The following TFF3 variants were observed in gnomAD, a reference collection of about 807,000 sequenced individuals.
The protein encoded by TFF3 is trefoil factor 3.
Under a neutral mutation model 9.7 loss-of-function variants are expected in TFF3, and 6 were observed. The ratio of observed to expected loss-of-function variants is 0.62; its 90% CI spans 0.34 to 1.22. The LOEUF (loss-of-function observed/expected upper bound fraction) is 1.22. Among genes scored for constraint, TFF3 ranks in the 50% most tolerant of loss-of-function variants. The pLI, the probability that TFF3 is intolerant of heterozygous loss-of-function variation, is 0.04. For missense variants in TFF3, 93 were observed against 98.6 expected (o/e 0.94, Z 0.24); for synonymous variants, 48 against 41.4 (o/e 1.16, Z -0.61).
chr21:42,312,362 A>G (rs1457318217), intron 2 of TFF3, 93 bp from the exon 3 acceptor site: 4 of 1,445,798 alleles, frequency 2.8e-6, no homozygotes, highest in Non-Finnish European at 3.7e-6. Flanking sequence ...GCCAGCACCT[A>G]GTGCTGCCTC....
rs575393167 is a variant in TFF3, at chr21:42,313,233, C to T, written c.229+252G>A. Among the ~76,000 whole-genome samples, 11 of 152,318 alleles carry T rather than the reference C, an allele frequency of 7.2e-5. No individual in the cohort carries two copies. Among genetic ancestry groups the T allele is most frequent in the African/African-American group, 1.7e-4 (7 of 41,572 alleles). Reference sequence around the variant, plus strand: ...AGTTACTAAATCAGTTCCCTCTATGCGATGCCATCATTTTGAACACCTTTT... The same window carrying T: ...AGTTACTAAATCAGTTCCCTCTATGTGATGCCATCATTTTGAACACCTTTT... On this transcript the variant is annotated intron_variant, in intron 2 of 2. Transcript: ENST00000518498. The surrounding 1 kb of genome is among the most constrained non-coding windows in gnomAD (Gnocchi z 4.0).
chr21:42,313,770 A>G lies in TFF3; in HGVS notation c.83-139T>C, dbSNP rs1380997600. Reference sequence around the variant, plus strand: ...AACCACTGCTGAAACCCTCGCCCTTAGGAAGATGCACTTTCCCTGTGAATA... The same window carrying G: ...AACCACTGCTGAAACCCTCGCCCTTGGGAAGATGCACTTTCCCTGTGAATA... On this transcript the variant is annotated intron_variant, in intron 1 of 2. Coordinates refer to ENST00000518498, the MANE Select transcript of TFF3 (RefSeq NM_003226.4). The surrounding 1 kb of genome is among the most constrained non-coding windows in gnomAD (Gnocchi z 4.0). The G allele has an allele frequency of 6.4e-6, 6 of 933,450 alleles. No homozygotes were observed. Among genetic ancestry groups the G allele is most frequent in the Admixed American group, 6.6e-5 (2 of 30,232 alleles). The allele number at this position is 933,450 out of a possible 1,614,324, so 57.8% of individuals were successfully genotyped here.
chr21:42,312,182 GC>G lies in TFF3; in HGVS notation c.*73del. The stretch of plus-strand genomic sequence containing the variant: ...GGACAGAAAAGCTGAGATGAACAGT[GC>G]CTGGCAGCAATCACAGCCGGGCAAG... On this transcript the variant is annotated 3_prime_UTR_variant, in exon 3 of 3. Transcript: ENST00000518498. 1 of 1,598,826 alleles carries G rather than the reference GC, an allele frequency of 6.3e-7. No homozygotes were observed. The highest frequency in any genetic ancestry group is 8.6e-7 in the Non-Finnish European group (1 of 1,166,240).
At chr21:42,315,175 A>G (rs1238613966) in intron 1 of TFF3, 118 bp downstream of exon 1, 2 of 1,349,118 alleles carry the variant, frequency 1.5e-6, no homozygotes, top group East Asian at 5.1e-5. Context: ...GGGCTAGCGC[A>G]GGAAAAAGTG....
In TFF3 at chr21:42,311,963, C is replaced by A; in HGVS notation, c.*293G>T. On this transcript the variant is annotated 3_prime_UTR_variant, in exon 3 of 3. Coordinates refer to ENST00000518498, the MANE Select transcript of TFF3 (RefSeq NM_003226.4). Reference sequence around the variant, plus strand: ...ACTGCAGCTCCTTAGGGAGTCTTTTCCTGCCCTTGAGGCCTGGGCAGACTC... The same window carrying A: ...ACTGCAGCTCCTTAGGGAGTCTTTTACTGCCCTTGAGGCCTGGGCAGACTC... The A allele has an allele frequency of 3.2e-6, 2 of 620,320 alleles. No homozygotes were observed. Among genetic ancestry groups the A allele is most frequent in the Admixed American group, 2.5e-5 (1 of 40,310 alleles). The allele number at this position is 620,320 out of a possible 1,614,324, so 38.4% of individuals were successfully genotyped here.
Position 42,311,936 on chromosome 21 carries a change from G to T in TFF3, c.*320C>A. The T allele has an allele frequency of 1.8e-6, 1 of 565,894 alleles. No individual in the cohort carries two copies. The highest frequency in any genetic ancestry group is 3.2e-6 in the Non-Finnish European group (1 of 314,294). 35.1% of individuals were successfully genotyped at this position (565,894 alleles called of 1,614,324 possible). ...GTCTGGATTCAAAATATCCTTGCATGCACTGCAGCTCCTTAGGGAGTCTTT... is the reference window on the plus strand; with the variant it reads ...GTCTGGATTCAAAATATCCTTGCATTCACTGCAGCTCCTTAGGGAGTCTTT... On this transcript the variant is annotated 3_prime_UTR_variant, in exon 3 of 3. Transcript: ENST00000518498.
Position 42,313,731 on chromosome 21 carries a change from A to T in TFF3, c.83-100T>A. On this transcript the variant is annotated intron_variant, in intron 1 of 2. Transcript: ENST00000518498. This position sits in a 1 kb window ranked among gnomAD's most constrained non-coding sequence, Gnocchi z 4.0. ...AGTTTGCATCCTCCCGCTCCGCCCC[A>T]CCCCGCCGAGTTCAACCACTGCTGA... The T allele has an allele frequency of 7.2e-7, 1 of 1,392,942 alleles. No homozygotes were observed. Among genetic ancestry groups the T allele is most frequent in the Non-Finnish European group, 9.5e-7 (1 of 1,052,708 alleles). 86.3% of individuals were successfully genotyped at this position (1,392,942 alleles called of 1,614,324 possible).
At chr21:42,312,917 T>G (rs1161336471) in intron 2 of TFF3, among the ~76,000 whole-genome samples, 1 of 152,130 alleles carries the variant, frequency 6.6e-6, no homozygotes, top group Admixed American at 6.5e-5. Context: ...CAGGGCCATC[T>G]GTTACCCGCA....
intron 1 of TFF3, 139 bp downstream of exon 1, chr21:42,315,154 C>A (rs2069351320): frequency 5.0e-6 from 6 of 1,199,076 alleles, no homozygotes; most frequent in Non-Finnish European, 5.6e-6. Context: ...ACAATAAAGA[C>A]CCACTTCAAA....
Position 42,313,623 on chromosome 21 carries a change from G to A in TFF3, c.91C>T (p.Gln31Ter). Residue 31 changes from glutamine (Q) to a stop codon, truncating the protein, a stop_gained, in exon 2 of 3, where the codon CAG becomes TAG. Transcript: ENST00000518498. LOFTEE classifies it high-confidence loss of function. The surrounding 1 kb of genome is among the most constrained non-coding windows in gnomAD (Gnocchi z 4.0). ...CTGTCCTTGGCTGGCACGGCACACT[G>A]GTTTGCAGCTGTCCCAGACAAAGCC... Reference protein sequence around the residue: ...AEEYVGLSANQCAVPAKDRVD... With the variant: ...AEEYVGLSAN 2 of 1,609,550 alleles carry A rather than the reference G, an allele frequency of 1.2e-6. No individual in the cohort carries two copies. Among genetic ancestry groups the A allele is most frequent in the South Asian group, 2.2e-5 (2 of 90,442 alleles).
At position 42,312,083 on chromosome 21, in the gene TFF3, C is replaced by G; in HGVS notation, c.*173G>C. ...CACGAAGAACTGTCCTCGGGTGGAG[C>G]ATGGGACCTTTATTCGTTAAGACAT... On this transcript the variant is annotated 3_prime_UTR_variant, in exon 3 of 3. Coordinates refer to ENST00000518498, the MANE Select transcript of TFF3 (RefSeq NM_003226.4). 1.2e-6 allele frequency: 1 copy of G among 857,088 alleles called. No individual in the cohort carries two copies. The allele number at this position is 857,088 out of a possible 1,614,324, so 53.1% of individuals were successfully genotyped here.
chr21:42,315,272 G>T (rs752003600), intron 1 of TFF3, 21 bp downstream of exon 1: 290 of 1,601,288 alleles, frequency 1.8e-4, no homozygotes, highest in Non-Finnish European at 2.4e-4. Flanking sequence ...CTGCCACCGG[G>T]GCAGTCAGGG....
At chr21:42,312,508 C>T (rs1359250940) in intron 2 of TFF3, among the ~76,000 whole-genome samples, 1 of 152,202 alleles carries the variant, frequency 6.6e-6, no homozygotes, top group African/African-American at 2.4e-5. Context: ...TTGGCAGGGC[C>T]ATGGCTGGCA....
chr21:42,312,169 T>G lies in TFF3; in HGVS notation c.*87A>C. On this transcript the variant is annotated 3_prime_UTR_variant, in exon 3 of 3. Coordinates refer to ENST00000518498, the MANE Select transcript of TFF3 (RefSeq NM_003226.4). The stretch of plus-strand genomic sequence containing the variant: ...GCCGGGAGCAAAGGGACAGAAAAGC[T>G]GAGATGAACAGTGCCTGGCAGCAAT... 6.3e-7 allele frequency: 1 copy of G among 1,577,606 alleles called. No homozygotes were observed. The highest frequency in any genetic ancestry group is 1.1e-5 in the South Asian group (1 of 90,388).
rs912636894 is a variant in TFF3 at position 42,312,273 on chromosome 21, C to T, written c.230-4G>A. 4 of 1,605,112 alleles carry T rather than the reference C, an allele frequency of 2.5e-6. No individual in the cohort carries two copies. Among genetic ancestry groups the T allele is most frequent in the Non-Finnish European group, 3.4e-6 (4 of 1,175,682 alleles). The stretch of plus-strand genomic sequence containing the variant: ...GAGGTGCCTCAGAAGGTGCATTCTG[C>T]AAACAGAGCAAAGGCTTGTGTGAGC... On this transcript the variant is annotated splice_polypyrimidine_tract_variant and splice_region_variant and intron_variant, in intron 2 of 2. Transcript: ENST00000518498.
In TFF3 at chr21:42,312,357, C is replaced by T. The variant is rs375487605; in HGVS notation, c.230-88G>A. ...AGGTCAGGGCAGGCTCCAAGGCCAGCACCTAGTGCTGCCTCCTCCCCAGAG... is the reference window on the plus strand; with the variant it reads ...AGGTCAGGGCAGGCTCCAAGGCCAGTACCTAGTGCTGCCTCCTCCCCAGAG... On this transcript the variant is annotated intron_variant, in intron 2 of 2. Coordinates refer to ENST00000518498, the MANE Select transcript of TFF3 (RefSeq NM_003226.4). 17 of 1,474,008 alleles carry T rather than the reference C, an allele frequency of 1.2e-5. No individual in the cohort carries two copies. In the African/African-American group the frequency reaches 2.1e-4, roughly 18 times the overall value. 91.3% of individuals were successfully genotyped at this position (1,474,008 alleles called of 1,614,324 possible).
intron 2 of TFF3, among the ~76,000 whole-genome samples, chr21:42,312,748 G>T (rs1415323422): frequency 6.6e-6 from 1 of 152,208 alleles, no homozygotes; most frequent in Non-Finnish European, 1.5e-5. Context: ...GGCAAGAGAG[G>T]CCCCTCTGGA....
chr21:42,313,812 C>T lies in TFF3; in HGVS notation c.83-181G>A, dbSNP rs2069344457. 1.5e-6 allele frequency: 1 copy of T among 660,844 alleles called. No individual in the cohort carries two copies. Among genetic ancestry groups the T allele is most frequent in the African/African-American group, 1.9e-5 (1 of 53,002 alleles). 40.9% of individuals were successfully genotyped at this position (660,844 alleles called of 1,614,324 possible). On this transcript the variant is annotated intron_variant, in intron 1 of 2. Coordinates refer to ENST00000518498, the MANE Select transcript of TFF3 (RefSeq NM_003226.4). The surrounding 1 kb of genome is among the most constrained non-coding windows in gnomAD (Gnocchi z 4.0). Reference sequence around the variant, plus strand: ...CTGTGAATATTTAAAGAGAGGCAGTCTGTTAAATGCTCAGCTCGGGGACTC... The same window carrying T: ...CTGTGAATATTTAAAGAGAGGCAGTTTGTTAAATGCTCAGCTCGGGGACTC...
At chr21:42,315,001 A>C (rs113329377) in intron 1 of TFF3, among the ~76,000 whole-genome samples, 192 of 152,346 alleles carry the variant, frequency 1.3e-3, no homozygotes, top group African/African-American at 4.1e-3. Flanking sequence ...ATTGTAATTT[A>C]GAAATCTCCA....
Sources: gnomAD v4.1 joint callset for allele counts (sites outside exome capture counted in the v4.1 genomes callset) on GRCh38, gnomAD v4.1.1 for gene constraint, Gnocchi (gnomAD v3.1) non-coding constraint, MANE v1.5 for transcripts, NCBI Gene and HGNC (gene_info 2026-07-23, HGNC 2026-07-21) for gene names.